MPP4: variants seen among roughly 807,000 people sequenced by gnomAD.
MPP4 encodes MAGUK p55 scaffold protein 4.
A neutral mutation model predicts 98.3 loss-of-function variants in MPP4; 91 were observed. The observed-to-expected ratio is 0.93, with a 90% CI of 0.78 to 1.10. The LOEUF is 1.10. Ranked by LOEUF, MPP4 falls within the 50% of genes least tolerant of loss-of-function variation. The pLI, the probability that MPP4 is intolerant of heterozygous loss-of-function variation, is 0.00. For missense variants in MPP4, 744 were observed against 792.9 expected (o/e 0.94, Z 0.74); for synonymous variants, 261 against 271.8 (o/e 0.96, Z 0.39).
intron 20 of MPP4, among the ~76,000 whole-genome samples, 173 bp downstream of exon 20, chr2:201,649,403 A>T (rs1355667900): frequency 6.6e-6 from 1 of 152,222 alleles, no homozygotes; most frequent in East Asian, 1.9e-4. Flanking sequence ...TTCCCAACTA[A>T]AAGTAAAATG....
chr2:201,653,813 TA>T lies in MPP4; in HGVS notation c.1381+1023del, dbSNP rs549779668. Reference sequence around the variant, plus strand: ...ATTGTAGCTCTCAAATGTTAAAGCTTAAAAAAAAACTTCATATAACAACTCT... The same window carrying T: ...ATTGTAGCTCTCAAATGTTAAAGCTTAAAAAAAACTTCATATAACAACTCT... On this transcript the variant is annotated intron_variant, in intron 18 of 21. Coordinates refer to ENST00000409474, the MANE Select transcript of MPP4 (RefSeq NM_033066.3). 3.7e-3 allele frequency among the ~76,000 whole-genome samples: 562 copies of T among 151,116 alleles called. 5 individuals are homozygous for T. Among genetic ancestry groups the T allele is most frequent in the Middle Eastern group, 0.01 (3 of 294 alleles).
At chr2:201,681,444 T>C in intron 9 of MPP4, 52 bp downstream of exon 9, 1 of 1,382,618 alleles carries the variant, frequency 7.2e-7, no homozygotes, top group Non-Finnish European at 1.0e-6. Flanking sequence ...ATTTAGTTGC[T>C]GTTACTTGGG....
intron 18 of MPP4, among the ~76,000 whole-genome samples, chr2:201,652,453 C>T (rs752003003): frequency 1.1e-4 from 16 of 152,076 alleles, no homozygotes; most frequent in South Asian, 1.0e-3. Flanking sequence ...AGCAAGACTC[C>T]GTCTTAAAAC....
At chr2:201,684,339 T>C (rs552982861) in intron 7 of MPP4, among the ~76,000 whole-genome samples, 3 of 152,226 alleles carry the variant, frequency 2.0e-5, no homozygotes, top group East Asian at 1.9e-4. Flanking sequence ...TTTCTGAAAG[T>C]AGAAGGACAA....
Position 201,685,976 on chromosome 2 carries a change from G to T in MPP4, c.435C>A (p.Ile145=), listed in dbSNP as rs186378021. 3 of 1,613,052 alleles carry T rather than the reference G, an allele frequency of 1.9e-6. No homozygotes were observed. Among genetic ancestry groups the T allele is most frequent in the Non-Finnish European group, 2.5e-6 (3 of 1,179,142 alleles). The change falls in exon 6 of 22, where the codon ATC becomes ATA. Residue 145 remains isoleucine (I), a synonymous_variant. Coordinates refer to ENST00000409474, the MANE Select transcript of MPP4 (RefSeq NM_033066.3). ...EPLLPPLPDN[I]PESEEAMRIV... ...TCCTCATTGCTTCCTCACTCTCAGG[G>T]ATATTGTCTGGCAGTGGAGGGAGAA... is the stretch of plus-strand genomic sequence containing the variant.
chr2:201,675,293 G>T (rs146684136), intron 10 of MPP4, 22 bp from the exon 11 acceptor site: 37,679 of 1,598,216 alleles, frequency 0.024, 581 homozygotes, highest in Middle Eastern at 0.032. Context: ...AAAAAACCAT[G>T]CGACAAAAAA....
At chr2:201,682,305 C>T (rs1351895470) in intron 8 of MPP4, among the ~76,000 whole-genome samples, 1 of 152,188 alleles carries the variant, frequency 6.6e-6, no homozygotes, top group Non-Finnish European at 1.5e-5. Context: ...AGGTGCTTGT[C>T]TCATAGCACC....
intron 5 of MPP4, among the ~76,000 whole-genome samples, chr2:201,686,826 AAGTACTAAG>A (rs1688851831): frequency 6.6e-6 from 1 of 152,232 alleles, no homozygotes; most frequent in South Asian, 2.1e-4. Context: ...TCAAATCTGT[AAGTACTAAG>A]AGATAGGTTT....
intron 15 of MPP4, 27 bp downstream of exon 15, chr2:201,660,305 G>A: frequency 6.3e-7 from 1 of 1,587,808 alleles, no homozygotes; most frequent in Non-Finnish European, 8.6e-7. Flanking sequence ...GTTCTATTTG[G>A]TATATCTAGG....
At chr2:201,684,526 A>T (rs2105941944) in intron 7 of MPP4, among the ~76,000 whole-genome samples, 1 of 152,348 alleles carries the variant, frequency 6.6e-6, no homozygotes, top group Middle Eastern at 3.4e-3. Flanking sequence ...AGAGACTTTA[A>T]TGTGGTACCT....
intron 1 of MPP4, among the ~76,000 whole-genome samples, chr2:201,697,709 G>C (rs552258685): frequency 5.3e-5 from 8 of 152,076 alleles, no homozygotes; most frequent in Admixed American, 1.3e-4. Flanking sequence ...TCCCTGGCCT[G>C]GTATCCTGAC....
At chr2:201,667,353 C>T (rs570409365) in intron 12 of MPP4, among the ~76,000 whole-genome samples, 48 of 152,232 alleles carry the variant, frequency 3.2e-4, no homozygotes, top group African/African-American at 1.1e-3. Flanking sequence ...GAATGAATAC[C>T]CCCTTGCAGA....
At chr2:201,696,915 C>G (rs1689203287) in intron 1 of MPP4, among the ~76,000 whole-genome samples, 1 of 152,184 alleles carries the variant, frequency 6.6e-6, no homozygotes, top group Non-Finnish European at 1.5e-5. Flanking sequence ...CTTCAGGTTC[C>G]TATGACAAAT....
At chr2:201,670,670 T>A (rs79943002) in intron 11 of MPP4, among the ~76,000 whole-genome samples, 11 of 151,238 alleles carry the variant, frequency 7.3e-5, no homozygotes, top group East Asian at 1.9e-4. Flanking sequence ...AAGTTTGTTT[T>A]AAAAAAAAAA....
rs373969080 is a variant in MPP4, at chr2:201,650,157, G to T, written c.1390C>A (p.Arg464Ser). The T allele has an allele frequency of 1.9e-5, 29 of 1,567,106 alleles. No homozygotes were observed. The highest frequency in any genetic ancestry group is 2.4e-5 in the South Asian group (2 of 84,618). Residue 464 changes from arginine to serine, a missense_variant, in exon 19 of 22, where the codon CGT becomes AGT. Physicochemically the swap from Arg to Ser is moderately radical, Grantham distance 110. Transcript: ENST00000409474. The stretch of plus-strand genomic sequence containing the variant: ...TTCATTTCGTAACTCTTTTTAGTAC[G>T]AGTAGTGTCTATCAGAAAAAGGGAA... ...HFQSAVPHTT[R>S]TKKSYEMNGR... is the part of the protein sequence containing the mutation.
At chr2:201,676,858 CCA>C in intron 10 of MPP4, among the ~76,000 whole-genome samples, 1 of 152,296 alleles carries the variant, frequency 6.6e-6, no homozygotes, top group East Asian at 1.9e-4. Flanking sequence ...TGAGATCATG[CCA>C]CTGCACTCCA....
chr2:201,698,210 C>T (rs1689248240), intron 1 of MPP4: 2 of 525,544 alleles, frequency 3.8e-6, no homozygotes, highest in Non-Finnish European at 5.0e-6. Flanking sequence ...CCTTACTATG[C>T]TTGTTTTTCA....
At chr2:201,663,441 A>G (rs1034036269) in intron 14 of MPP4, among the ~76,000 whole-genome samples, 3 of 152,196 alleles carry the variant, frequency 2.0e-5, no homozygotes, top group Admixed American at 1.3e-4. Flanking sequence ...TTTAAAATAC[A>G]TTTTACTGGG....
At chr2:201,674,115 C>G in intron 11 of MPP4, among the ~76,000 whole-genome samples, 1 of 152,214 alleles carries the variant, frequency 6.6e-6, no homozygotes, top group East Asian at 1.9e-4. Flanking sequence ...ATTTATTCAC[C>G]AAAGGCATAC....
Sources: allele counts gnomAD v4.1 joint callset (sites outside exome capture counted in the v4.1 genomes callset), GRCh38; gene constraint gnomAD v4.1.1; transcripts MANE v1.5; gene names NCBI Gene and HGNC (gene_info 2026-07-23, HGNC 2026-07-21).